Variants in NOTCH2NLC observed in about 807,000 individuals in gnomAD.
The protein encoded by NOTCH2NLC is notch 2 N-terminal like C, also known as notch homolog 2 N-terminal-like protein C.
NOTCH2NLC carries 4 observed loss-of-function variants against 17.7 expected under a neutral mutation model. That is an observed-to-expected ratio of 0.23 (90% CI 0.11 to 0.52). The LOEUF is 0.52. Among genes scored for constraint, NOTCH2NLC ranks in the 20% least tolerant of loss-of-function variants. The pLI is 0.96. For missense variants in NOTCH2NLC, 57 were observed against 207.2 expected (o/e 0.28, Z 4.45); for synonymous variants, 18 against 86.0 (o/e 0.21, Z 4.38).
rs2084524175 is a variant in NOTCH2NLC, at chr1:149,442,255, T to G, written c.209+11240T>G. ...AAATATATTGTTCCTTCTCTTTGGT[T>G]GTTCTTTGCTTTCTTATGCATCTGT... is the stretch of plus-strand genomic sequence containing the variant. On this transcript the variant is annotated intron_variant, in intron 2 of 4. Transcript: ENST00000650865. Among the ~76,000 whole-genome samples, 2 of 149,472 alleles carry G rather than the reference T, an allele frequency of 1.3e-5. 1 individual carries two copies. Among genetic ancestry groups the G allele is most frequent in the African/African-American group, 4.9e-5 (2 of 40,712 alleles).
At chr1:149,424,060 G>T (rs1207224566) in intron 1 of NOTCH2NLC, among the ~76,000 whole-genome samples, 1 of 151,166 alleles carries the variant, frequency 6.6e-6, no homozygotes, top group Non-Finnish European at 1.5e-5. Context: ...CTAGGTAAAT[G>T]CCTAGAGGAA....
intron 2 of NOTCH2NLC, among the ~76,000 whole-genome samples, chr1:149,445,852 G>A (rs2084548993): frequency 7.0e-6 from 1 of 142,250 alleles, no homozygotes; most frequent in South Asian, 2.2e-4. Flanking sequence ...ATGTGGTGGG[G>A]TTTTGCTTTG....
chr1:149,439,835 A>G (rs1455530168), intron 2 of NOTCH2NLC, among the ~76,000 whole-genome samples: 1 of 148,736 alleles, frequency 6.7e-6, no homozygotes, highest in Non-Finnish European at 1.5e-5. Context: ...TGTATTGCCA[A>G]TTCTTAGACT....
intron 1 of NOTCH2NLC, among the ~76,000 whole-genome samples, chr1:149,414,636 G>A (rs2084320438): frequency 6.7e-6 from 1 of 150,374 alleles, no homozygotes; most frequent in African/African-American, 2.4e-5. Context: ...TTAACTCTAA[G>A]TAAAGCTTAT....
intron 1 of NOTCH2NLC, among the ~76,000 whole-genome samples, chr1:149,409,328 ATGTGTGTG>A (rs1196474216): frequency 7.0e-6 from 1 of 143,670 alleles, no homozygotes; most frequent in Non-Finnish European, 1.5e-5. Context: ...GTGTGTGTGC[ATGTGTGTG>A]TGTGTGTGTG....
chr1:149,393,616 C>T (rs1293024026), intron 1 of NOTCH2NLC, among the ~76,000 whole-genome samples: 1 of 147,658 alleles, frequency 6.8e-6, no homozygotes, highest in Admixed American at 6.8e-5. Flanking sequence ...TGGGAAGTGA[C>T]TCCCTGATTT....
chr1:149,424,948 C>T (rs2084404863), intron 1 of NOTCH2NLC, among the ~76,000 whole-genome samples: 1 of 151,362 alleles, frequency 6.6e-6, no homozygotes, highest in Non-Finnish European at 1.5e-5. Flanking sequence ...AGATCTGCCC[C>T]CATAACCTGA....
chr1:149,424,631 G>GT (rs1334374987), intron 1 of NOTCH2NLC, among the ~76,000 whole-genome samples: 1,517 of 150,796 alleles, frequency 0.01, 80 homozygotes, highest in Non-Finnish European at 0.017. Context: ...CAGTGCTATA[G>GT]TTTTTTAAAA....
chr1:149,471,341 AT>A lies in NOTCH2NLC; in HGVS notation c.*7194del, dbSNP rs1286848091. On this transcript the variant is annotated 3_prime_UTR_variant, in exon 5 of 5. Transcript: ENST00000650865. ...TTTTTAACTTGATGGAATACAATTT[AT>A]TTTTTCTTTTGTTGCTTGTGCTTTC... 6.7e-6 allele frequency among the ~76,000 whole-genome samples: 1 copy of A among 149,428 alleles called. No homozygotes were observed. The highest frequency in any genetic ancestry group is 2.5e-5 in the African/African-American group (1 of 40,774).
chr1:149,410,277 G>A (rs2084291649), intron 1 of NOTCH2NLC, among the ~76,000 whole-genome samples: 1 of 148,906 alleles, frequency 6.7e-6, no homozygotes, highest in African/African-American at 2.5e-5. Flanking sequence ...ATTTTTCAAA[G>A]GCACCCTTTT....
chr1:149,423,732 A>G (rs2084392311), intron 1 of NOTCH2NLC, among the ~76,000 whole-genome samples: 1 of 148,668 alleles, frequency 6.7e-6, no homozygotes, highest in South Asian at 2.2e-4. Context: ...GGAGCCTCAG[A>G]CAGTCAAGAC....
rs1286022677 is a variant in NOTCH2NLC, at chr1:149,467,509, T to C, written c.*3356T>C. 7.6e-6 allele frequency: 1 copy of C among 131,448 alleles called. No homozygotes were observed. The highest frequency in any genetic ancestry group is 2.8e-5 in the African/African-American group (1 of 36,014). The allele number at this position is 131,448 out of a possible 1,614,324, so 8.1% of individuals were successfully genotyped here. ...TCAAGAGAGAACTAATAGAATCAAA[T>C]CAATGAACCATGTCTCATCTTTTTG... On this transcript the variant is annotated 3_prime_UTR_variant, in exon 5 of 5. Coordinates refer to ENST00000650865, the MANE Select transcript of NOTCH2NLC (RefSeq NM_001364013.2).
chr1:149,420,159 C>G (rs1324748465), intron 1 of NOTCH2NLC, among the ~76,000 whole-genome samples: 2 of 150,316 alleles, frequency 1.3e-5, no homozygotes, highest in African/African-American at 4.9e-5. Flanking sequence ...CATGAGCCAC[C>G]GTGCCTGGCC....
intron 1 of NOTCH2NLC, among the ~76,000 whole-genome samples, chr1:149,407,026 T>TA (rs1326907670): frequency 6.7e-6 from 1 of 149,014 alleles, no homozygotes; most frequent in Non-Finnish European, 1.5e-5. Context: ...CAAAAGCTTT[T>TA]AAAAATCTTT....
rs2084693834 is a variant in NOTCH2NLC, at chr1:149,467,764, A to G, written c.*3611A>G. On this transcript the variant is annotated 3_prime_UTR_variant, in exon 5 of 5. Transcript: ENST00000650865. ...TTTGTGGCTATTTTAATAGAGTAGC[A>G]CAAGTAATCAAAAAACAGTAGGCTG... The G allele has an allele frequency of 4.8e-5, 4 of 84,098 alleles. No individual in the cohort carries two copies. The highest frequency in any genetic ancestry group is 9.7e-5 in the Non-Finnish European group (4 of 41,228). The allele number at this position is 84,098 out of a possible 1,614,324, so 5.2% of individuals were successfully genotyped here. A position where few individuals can be genotyped will look rare whatever the true frequency, so the allele number is the denominator to read the frequency against.
Position 149,468,958 on chromosome 1 carries a change from CTTTTTTTTTTTT to C in NOTCH2NLC, c.*4818_*4829del, listed in dbSNP as rs1175539238. On this transcript the variant is annotated 3_prime_UTR_variant, in exon 5 of 5. Transcript: ENST00000650865. ...GGCATGTGTCATTTTCTTTTCTTTT[CTTTTTTTTTTTT>C]TTTTTTTTTTTTGAGACGGAGCATC... Among the ~76,000 whole-genome samples the C allele has an allele frequency of 1.9e-5, 1 of 53,436 alleles. No individual in the cohort carries two copies. The highest frequency in any genetic ancestry group is 9.3e-5 in the African/African-American group (1 of 10,746). The allele number at this position is 53,436 out of a possible 152,430, so 35.1% of individuals were successfully genotyped here.
At chr1:149,395,396 T>C (rs1274225835) in intron 1 of NOTCH2NLC, among the ~76,000 whole-genome samples, 3 of 132,094 alleles carry the variant, frequency 2.3e-5, no homozygotes, top group Non-Finnish European at 4.9e-5. Flanking sequence ...AAAAACCAAA[T>C]TTTTCCCTTC....
In NOTCH2NLC at chr1:149,413,344, A is replaced by G. The variant is rs1202832141; in HGVS notation, c.136-17598A>G. Among the ~76,000 whole-genome samples the G allele has an allele frequency of 2.7e-3, 414 of 151,242 alleles. 7 individuals are homozygous for G. The highest frequency in any genetic ancestry group is 9.6e-3 in the African/African-American group (397 of 41,292). ...TGGCAGATATGCTATGGAACCCTTC[A>G]GGGATGTCGGTGAAACCTGAAAAGG... On this transcript the variant is annotated intron_variant, in intron 1 of 4. Coordinates refer to ENST00000650865, the MANE Select transcript of NOTCH2NLC (RefSeq NM_001364013.2).
rs1332169696 is a variant in NOTCH2NLC, at chr1:149,462,126, T to TATA, written c.470-1344_470-1342dup. ...TGCACGTGTACCCTAGAACTTAAAG[T>TATA]ATAATAATAATAATAATAATAATTC... On this transcript the variant is annotated intron_variant, in intron 3 of 4. Coordinates refer to ENST00000650865, the MANE Select transcript of NOTCH2NLC (RefSeq NM_001364013.2). Among the ~76,000 whole-genome samples, 633 of 142,172 alleles carry TATA rather than the reference T, an allele frequency of 4.5e-3. 1 individual carries two copies. The highest frequency in any genetic ancestry group is 5.9e-3 in the African/African-American group (226 of 38,326). The allele number at this position is 142,172 out of a possible 152,430, so 93.3% of individuals were successfully genotyped here.
Sources: allele counts gnomAD v4.1 joint callset (sites outside exome capture counted in the v4.1 genomes callset), GRCh38; gene constraint gnomAD v4.1.1; transcripts MANE v1.5; gene names NCBI Gene and HGNC (gene_info 2026-07-23, HGNC 2026-07-21).